The following TNS1 variants were observed in gnomAD, a reference collection of about 807,000 sequenced individuals.
The protein encoded by TNS1 is tensin-1.
In TNS1, 62 loss-of-function variants were observed where a neutral mutation model predicts 168.6. The ratio of observed to expected loss-of-function variants is 0.37; its 90% CI spans 0.30 to 0.45. The LOEUF (loss-of-function observed/expected upper bound fraction) is 0.45. Ranked by LOEUF, TNS1 falls within the 20% of genes least tolerant of loss-of-function variation. The pLI is 1.00. For synonymous variants in TNS1, 934 were observed against 933.2 expected (o/e 1.00, Z -0.02); for missense variants, 2,240 against 2,339.4 (o/e 0.96, Z 0.88).
chr2:217,942,552 G>A (rs1409780929), intron 3 of TNS1, among the ~76,000 whole-genome samples: 1 of 152,176 alleles, frequency 6.6e-6, no homozygotes, highest in African/African-American at 2.4e-5. Flanking sequence ...GTGGCCACCA[G>A]CTGGCAGGGG....
chr2:217,972,985 T>G (rs1444467509), intron 3 of TNS1, among the ~76,000 whole-genome samples: 1 of 152,124 alleles, frequency 6.6e-6, no homozygotes, highest in East Asian at 1.9e-4. Context: ...TATGGAGTCA[T>G]ATAGCAGGGG....
chr2:217,815,262 G>A (rs1226906174), intron 24 of TNS1: 1 of 436,508 alleles, frequency 2.3e-6, no homozygotes, highest in African/African-American at 1.9e-5. Context: ...AGAGACTGGG[G>A]TGATGCGTCT....
chr2:217,902,893 T>C lies in TNS1; in HGVS notation c.322-2381A>G, dbSNP rs1316112754. Among the ~76,000 whole-genome samples the C allele has an allele frequency of 2.6e-5, 4 of 152,176 alleles. No homozygotes were observed. In the East Asian group the frequency reaches 7.7e-4, roughly 29 times the overall value. On this transcript the variant is annotated intron_variant, in intron 6 of 32. Transcript: ENST00000682258. ...AAGTTTGGGGGCACGTGACCCTTGC[T>C]GGCGGACAGCAGACATGCACGGTGA...
At chr2:217,829,716 G>A (rs568804038) in intron 22 of TNS1, 165 of 1,031,872 alleles carry the variant, frequency 1.6e-4, no homozygotes, top group Middle Eastern at 2.5e-4. Flanking sequence ...GGGACAGGAA[G>A]GCCATGTGCC....
At chr2:217,855,588 C>T (rs1372654296) in intron 18 of TNS1, among the ~76,000 whole-genome samples, 2 of 152,098 alleles carry the variant, frequency 1.3e-5, no homozygotes, top group Non-Finnish European at 2.9e-5. Context: ...CTCCCTCTCC[C>T]TAGGGCCGGT....
intron 3 of TNS1, among the ~76,000 whole-genome samples, chr2:217,957,863 G>T (rs1453175219): frequency 7.2e-6 from 1 of 139,314 alleles, no homozygotes; most frequent in African/African-American, 2.6e-5. Flanking sequence ...AAAAAAAAAA[G>T]GTGGGGAGAA....
chr2:217,817,417 G>A (rs937389811), intron 24 of TNS1, among the ~76,000 whole-genome samples: 1 of 152,156 alleles, frequency 6.6e-6, no homozygotes, highest in Non-Finnish European at 1.5e-5. Flanking sequence ...CTATGAGGAC[G>A]ATGATAATCA....
In TNS1 at chr2:217,905,048, G is replaced by A. The variant is rs540462547; in HGVS notation, c.321+1287C>T. Among the ~76,000 whole-genome samples the A allele has an allele frequency of 1.1e-3, 172 of 152,180 alleles. 2 individuals are homozygous for A. The highest frequency in any genetic ancestry group is 1.5e-3 in the Non-Finnish European group (104 of 68,038). ...GATTCATAGCCTCTGCCATACAGGG[G>A]TGTCAGGAGGATCGCAAAACACCCA... On this transcript the variant is annotated intron_variant, in intron 6 of 32. Transcript: ENST00000682258.
At chr2:217,838,495 G>A (rs1009586091) in intron 19 of TNS1, among the ~76,000 whole-genome samples, 1 of 152,254 alleles carries the variant, frequency 6.6e-6, no homozygotes, top group Admixed American at 6.5e-5. Context: ...TCTGACCAGA[G>A]GCAGGGAAAT....
At chr2:218,013,510 A>C (rs546981668), upstream of TNS1, among the ~76,000 whole-genome samples, 21 of 152,274 alleles carry the variant, frequency 1.4e-4, no homozygotes, top group Admixed American at 1.2e-3. Flanking sequence ...CCCCATGTGG[A>C]GGTCCAACAG....
At chr2:217,891,095 C>T in intron 11 of TNS1, 50 bp from the exon 12 acceptor site, 1 of 1,597,230 alleles carries the variant, frequency 6.3e-7, no homozygotes, top group Non-Finnish European at 8.6e-7. Flanking sequence ...CATCCAAGAG[C>T]CGCTTGTTTT....
chr2:217,922,444 G>C (rs915643933), intron 3 of TNS1, among the ~76,000 whole-genome samples: 1 of 152,094 alleles, frequency 6.6e-6, no homozygotes, highest in African/African-American at 2.4e-5. Flanking sequence ...GCTTGGGCTG[G>C]GCAGGGACCG....
intron 9 of TNS1, 45 bp downstream of exon 9, chr2:217,894,961 C>T: frequency 6.4e-7 from 1 of 1,571,788 alleles, no homozygotes; most frequent in Non-Finnish European, 8.7e-7. Context: ...GGGAGTCCAT[C>T]TGTTCTCCTT....
At chr2:217,884,870 C>T (rs942556896) in intron 16 of TNS1, among the ~76,000 whole-genome samples, 165 bp downstream of exon 16, 3 of 152,214 alleles carry the variant, frequency 2.0e-5, no homozygotes, top group African/African-American at 7.2e-5. Flanking sequence ...CATCCAATCT[C>T]AACTCTCTCC....
intron 19 of TNS1, among the ~76,000 whole-genome samples, chr2:217,840,869 C>T (rs1017609925): frequency 6.6e-6 from 1 of 152,230 alleles, no homozygotes. Flanking sequence ...TTGTTCCCAG[C>T]AGGCAAGGCC....
upstream of TNS1, among the ~76,000 whole-genome samples, chr2:218,010,637 C>T (rs530565766): frequency 6.6e-6 from 1 of 150,918 alleles, no homozygotes; most frequent in East Asian, 2.0e-4. Context: ...CGGCGCCCGG[C>T]GCCGGGCGTC....
At chr2:217,945,633 G>A (rs1297399767) in intron 3 of TNS1, among the ~76,000 whole-genome samples, 3 of 152,208 alleles carry the variant, frequency 2.0e-5, no homozygotes, top group Admixed American at 6.5e-5. Flanking sequence ...CAATCTGTGA[G>A]AGTGTGGATG....
At chr2:218,021,377 G>T (rs926038589) in intron 1 of TNS1, among the ~76,000 whole-genome samples, 9 of 152,242 alleles carry the variant, frequency 5.9e-5, no homozygotes, top group African/African-American at 2.2e-4. Context: ...TGTCACCCAT[G>T]GACCCAGCAG....
intron 3 of TNS1, among the ~76,000 whole-genome samples, chr2:217,975,458 C>T (rs756998667): frequency 2.0e-5 from 3 of 152,152 alleles, no homozygotes; most frequent in Non-Finnish European, 2.9e-5. Context: ...CTTCGTGCTG[C>T]AGGAACAGTG....
Sources: allele counts gnomAD v4.1 joint callset (sites outside exome capture counted in the v4.1 genomes callset), GRCh38; gene constraint gnomAD v4.1.1; transcripts MANE v1.5; gene names NCBI Gene and HGNC (gene_info 2026-07-23, HGNC 2026-07-21).